The following SUGCT variants were observed in gnomAD, a reference collection of about 807,000 sequenced individuals.
SUGCT encodes the protein succinyl-CoA:glutarate-CoA transferase.
A neutral mutation model predicts 55.0 loss-of-function variants in SUGCT; 41 were observed. The observed-to-expected ratio is 0.74, with a 90% CI of 0.58 to 0.97. SUGCT has a LOEUF of 0.97. Ranked by LOEUF, SUGCT falls within the 50% of genes least tolerant of loss-of-function variation. SUGCT has a pLI of 0.00. For synonymous variants in SUGCT, 187 were observed against 200.4 expected (o/e 0.93, Z 0.56); for missense variants, 568 against 547.8 (o/e 1.04, Z -0.37).
intron 5 of SUGCT, among the ~76,000 whole-genome samples, chr7:40,192,671 T>G (rs1461695627): frequency 6.7e-6 from 1 of 148,638 alleles, no homozygotes; most frequent in Non-Finnish European, 1.5e-5. Flanking sequence ...TGCTCTTGTC[T>G]CCCAGGCTAG....
intron 1 of SUGCT, among the ~76,000 whole-genome samples, chr7:40,173,529 T>G (rs1412722263): frequency 6.6e-6 from 1 of 152,232 alleles, no homozygotes; most frequent in South Asian, 2.1e-4. Flanking sequence ...CTCAAATGCC[T>G]GGGGTTTATA....
At chr7:40,495,573 G>T (rs1051590314) in intron 11 of SUGCT, among the ~76,000 whole-genome samples, 2 of 152,100 alleles carry the variant, frequency 1.3e-5, no homozygotes, top group Non-Finnish European at 2.9e-5. Context: ...TTACAGAGAA[G>T]AAATATAAAA....
At chr7:40,918,177 A>T in the SUGCT span, among the ~76,000 whole-genome samples, 1 of 152,048 alleles carries the variant, frequency 6.6e-6, no homozygotes, top group African/African-American at 2.4e-5. Context: ...AAAAGGGGAA[A>T]ATAGGCCAGT....
intron 9 of SUGCT, among the ~76,000 whole-genome samples, chr7:40,342,748 T>C (rs1797119008): frequency 6.6e-6 from 1 of 152,176 alleles, no homozygotes; most frequent in South Asian, 2.1e-4. Context: ...GTTCAAGATA[T>C]TATCCTGCCT....
At chr7:41,008,657 T>C in the SUGCT span, among the ~76,000 whole-genome samples, 1 of 151,706 alleles carries the variant, frequency 6.6e-6, no homozygotes, top group South Asian at 2.1e-4. Flanking sequence ...CTCTGGAAGC[T>C]TGGGAGGCCT....
At chr7:40,872,283 C>T in the SUGCT span, among the ~76,000 whole-genome samples, 14 of 152,002 alleles carry the variant, frequency 9.2e-5, no homozygotes, top group South Asian at 2.1e-4. Context: ...GGGCTCATTG[C>T]GGTATAATTG....
intron 13 of SUGCT, among the ~76,000 whole-genome samples, chr7:40,758,827 A>T (rs555765602): frequency 2.6e-5 from 4 of 152,160 alleles, no homozygotes; most frequent in African/African-American, 9.6e-5. Flanking sequence ...ACATTGTGTA[A>T]GTCAGAATGG....
chr7:40,651,817 A>G (rs1800796915), intron 12 of SUGCT, among the ~76,000 whole-genome samples: 2 of 151,938 alleles, frequency 1.3e-5, no homozygotes, highest in African/African-American at 4.8e-5. Context: ...TTACCACCGC[A>G]TTTTTGTTTG....
intron 9 of SUGCT, among the ~76,000 whole-genome samples, chr7:40,390,345 G>A (rs1348923666): frequency 6.6e-6 from 1 of 152,152 alleles, no homozygotes; most frequent in Admixed American, 6.6e-5. Context: ...AAGTCAAATT[G>A]TCCCTGTTTG....
At chr7:40,907,138 TGTGAGAGA>T in the SUGCT span, among the ~76,000 whole-genome samples, 7,010 of 34,928 alleles carry the variant, frequency 0.2, 170 homozygotes, top group East Asian at 0.3. Flanking sequence ...TGTGTGTGTG[TGTGAGAGA>T]GAGAGAGAGA....
chr7:40,427,012 A>G (rs1335863535), intron 9 of SUGCT, among the ~76,000 whole-genome samples: 2 of 151,966 alleles, frequency 1.3e-5, no homozygotes, highest in Admixed American at 6.6e-5. Context: ...TCTCCACCCT[A>G]TTGCCCAGAA....
At chr7:40,243,139 T>C (rs1319755173) in intron 7 of SUGCT, among the ~76,000 whole-genome samples, 1 of 150,124 alleles carries the variant, frequency 6.7e-6, no homozygotes, top group Admixed American at 6.7e-5. Flanking sequence ...TATCTATCTA[T>C]CATCTTTTTT....
chr7:40,649,177 A>G (rs577385814), intron 12 of SUGCT, among the ~76,000 whole-genome samples: 27 of 151,904 alleles, frequency 1.8e-4, no homozygotes, highest in African/African-American at 5.6e-4. Flanking sequence ...CTACCTTTCC[A>G]TTTTTCAAAA....
intron 9 of SUGCT, among the ~76,000 whole-genome samples, chr7:40,373,459 A>G (rs1389750564): frequency 1.3e-5 from 2 of 151,710 alleles, no homozygotes; most frequent in Non-Finnish European, 2.9e-5. Context: ...ATTTAGAAAA[A>G]TGAATTCCAA....
At chr7:40,727,438 T>G (rs1397044142) in intron 12 of SUGCT, among the ~76,000 whole-genome samples, 2 of 152,188 alleles carry the variant, frequency 1.3e-5, no homozygotes, top group Non-Finnish European at 2.9e-5. Flanking sequence ...GTAAGCAATT[T>G]TTATTTAGTC....
chr7:40,748,211 C>T (rs890901400), intron 12 of SUGCT, among the ~76,000 whole-genome samples: 1 of 151,778 alleles, frequency 6.6e-6, no homozygotes, highest in East Asian at 1.9e-4. Flanking sequence ...ATTTTTATTA[C>T]TGAGTGTATT....
intron 10 of SUGCT, among the ~76,000 whole-genome samples, chr7:40,452,560 A>G (rs1204075154): frequency 6.6e-6 from 1 of 152,170 alleles, no homozygotes; most frequent in Admixed American, 6.5e-5. Context: ...AATATATCCA[A>G]GGTATAATGT....
chr7:40,163,562 G>A (rs956633672), intron 1 of SUGCT, among the ~76,000 whole-genome samples: 3 of 149,658 alleles, frequency 2.0e-5, no homozygotes, highest in Admixed American at 6.7e-5. Flanking sequence ...CTGAGATCGC[G>A]CCACTGCACT....
intron 12 of SUGCT, among the ~76,000 whole-genome samples, chr7:40,558,418 A>G (rs1012463320): frequency 2.6e-5 from 4 of 152,232 alleles, no homozygotes; most frequent in Non-Finnish European, 4.4e-5. Context: ...ACAATGGAAT[A>G]TTAGTTATAA....
Sources: allele counts gnomAD v4.1 joint callset (sites outside exome capture counted in the v4.1 genomes callset), GRCh38; gene constraint gnomAD v4.1.1; transcripts MANE v1.5; gene names NCBI Gene and HGNC (gene_info 2026-07-23, HGNC 2026-07-21).